The following KPNA5 variants were observed in gnomAD, a reference collection of about 807,000 sequenced individuals.
KPNA5 encodes importin subunit alpha-6.
In KPNA5, 46 loss-of-function variants were observed where a neutral mutation model predicts 71.3. The observed-to-expected ratio is 0.65, with a 90% CI of 0.51 to 0.83. KPNA5 has a LOEUF of 0.83. KPNA5 is among the 40% of genes least tolerant of loss of function. The pLI is 0.00. For missense variants in KPNA5, 547 were observed against 628.3 expected, an observed-to-expected ratio of 0.87 and a Z score of 1.38; for synonymous variants, 207 against 201.4, an observed-to-expected ratio of 1.03 and a Z score of -0.24.
At chr6:116,730,016 T>A (rs1008584590) in intron 13 of KPNA5, among the ~76,000 whole-genome samples, 6 of 150,720 alleles carry the variant, frequency 4.0e-5, no homozygotes, top group African/African-American at 1.5e-4. Context: ...ATTTTACATT[T>A]CTACATAATT....
intron 1 of KPNA5, among the ~76,000 whole-genome samples, chr6:116,687,334 T>A (rs1389794147): frequency 6.6e-6 from 1 of 152,146 alleles, no homozygotes; most frequent in Non-Finnish European, 1.5e-5. Context: ...TCCACTTTTC[T>A]GAAATTCAGG....
intron 12 of KPNA5, among the ~76,000 whole-genome samples, chr6:116,728,127 C>T (rs927881568): frequency 6.6e-6 from 1 of 151,998 alleles, no homozygotes; most frequent in Non-Finnish European, 1.5e-5. Context: ...TCTTTGCTTT[C>T]ATCAGTATTT....
intron 8 of KPNA5, among the ~76,000 whole-genome samples, chr6:116,721,626 T>C (rs948458224): frequency 6.6e-6 from 1 of 152,232 alleles, no homozygotes; most frequent in Non-Finnish European, 1.5e-5. Context: ...TGCCTTCTTA[T>C]CAGTGTAATA....
chr6:116,694,594 T>A (rs1158400506), intron 4 of KPNA5, among the ~76,000 whole-genome samples: 1 of 152,220 alleles, frequency 6.6e-6, no homozygotes, highest in Non-Finnish European at 1.5e-5. Flanking sequence ...TTTTGTATCC[T>A]GAGAGTTTGC....
rs1211370142 is a variant in KPNA5 at position 116,739,354 on chromosome 6, C to T, written c.*7031C>T. 6.6e-6 allele frequency: 1 copy of T among 152,022 alleles called. No individual in the cohort carries two copies. Among genetic ancestry groups the T allele is most frequent in the African/African-American group, 2.4e-5 (1 of 41,372 alleles). 9.4% of individuals were successfully genotyped at this position (152,022 alleles called of 1,614,324 possible). A position where few individuals can be genotyped will look rare whatever the true frequency, so the allele number is the denominator to read the frequency against. On this transcript the variant is annotated 3_prime_UTR_variant, in exon 14 of 14. Coordinates refer to ENST00000368564, the MANE Select transcript of KPNA5 (RefSeq NM_001366306.2). The stretch of plus-strand genomic sequence containing the variant: ...CTGCTCAATGAAATAAAAGAGGATA[C>T]AAAGAAATGGAAGAACATTCCATGC...
chr6:116,704,349 A>G (rs748578819), intron 6 of KPNA5, among the ~76,000 whole-genome samples: 1 of 152,082 alleles, frequency 6.6e-6, no homozygotes, highest in Non-Finnish European at 1.5e-5. Flanking sequence ...ACTATAGACA[A>G]TTGTATATAC....
rs1346831820 is a variant in KPNA5 at position 116,740,510 on chromosome 6, A to T, written c.*8187A>T. Reference sequence around the variant, plus strand: ...CATTACTGGGTATATACCCAAAGGAATATAAATCATGCTGCTATAAAGACA... The same window carrying T: ...CATTACTGGGTATATACCCAAAGGATTATAAATCATGCTGCTATAAAGACA... On this transcript the variant is annotated 3_prime_UTR_variant, in exon 14 of 14. Coordinates refer to ENST00000368564, the MANE Select transcript of KPNA5 (RefSeq NM_001366306.2). 2.6e-5 allele frequency: 4 copies of T among 152,234 alleles called. No homozygotes were observed. The highest frequency in any genetic ancestry group is 9.6e-5 in the African/African-American group (4 of 41,574). The allele number at this position is 152,234 out of a possible 1,614,324, so 9.4% of individuals were successfully genotyped here.
intron 6 of KPNA5, among the ~76,000 whole-genome samples, chr6:116,704,630 C>T (rs1204226668): frequency 2.0e-5 from 3 of 151,910 alleles, no homozygotes; most frequent in Admixed American, 2.0e-4. Context: ...GCTCTGTTGC[C>T]CAAGGTGGAG....
chr6:116,724,229 T>C lies in KPNA5; in HGVS notation c.921-68T>C, dbSNP rs1050501457. The C allele has an allele frequency of 3.8e-6, 4 of 1,039,992 alleles. No homozygotes were observed. The African/African-American group carries it at 6.3e-5, about 16-fold the overall frequency. 64.4% of individuals were successfully genotyped at this position (1,039,992 alleles called of 1,614,324 possible). ...GAACACCCCGCAGGAGTTTGTAGTATTTTTGTAACTTCTGTGTAAATTTTA... is the reference window on the plus strand; with the variant it reads ...GAACACCCCGCAGGAGTTTGTAGTACTTTTGTAACTTCTGTGTAAATTTTA... On this transcript the variant is annotated intron_variant, in intron 9 of 13. Coordinates refer to ENST00000368564, the MANE Select transcript of KPNA5 (RefSeq NM_001366306.2).
chr6:116,687,594 C>T (rs1053670154), intron 1 of KPNA5, among the ~76,000 whole-genome samples: 1 of 152,042 alleles, frequency 6.6e-6, no homozygotes, highest in African/African-American at 2.4e-5. Flanking sequence ...AGAAACAAGC[C>T]GATATGTAAA....
Position 116,702,042 on chromosome 6 carries a change from A to G in KPNA5, c.459A>G (p.Thr153=). The change falls in exon 6 of 14, where the codon ACA becomes ACG. Residue 153 remains threonine (T), a synonymous_variant. Coordinates refer to ENST00000368564, the MANE Select transcript of KPNA5 (RefSeq NM_001366306.2). ...AGTTTGAAGCTGCATGGGCATTAACAAATATAGCATCTGGAACTTTTCTGC... is the reference window on the plus strand; with the variant it reads ...AGTTTGAAGCTGCATGGGCATTAACGAATATAGCATCTGGAACTTTTCTGC... ...TLQFEAAWAL[T]NIASGTFLHT... is the part of the protein sequence containing the mutation. 5 of 1,613,434 alleles carry G rather than the reference A, an allele frequency of 3.1e-6. No individual in the cohort carries two copies. The highest frequency in any genetic ancestry group is 4.2e-6 in the Non-Finnish European group (5 of 1,179,820).
intron 7 of KPNA5, among the ~76,000 whole-genome samples, chr6:116,706,470 C>A (rs1046619963): frequency 7.9e-5 from 12 of 151,962 alleles, no homozygotes; most frequent in Non-Finnish European, 7.4e-5. Context: ...CGGGTGGATC[C>A]CCTGAGGTCA....
At chr6:116,718,224 A>T (rs1251761124) in intron 8 of KPNA5, among the ~76,000 whole-genome samples, 1 of 149,864 alleles carries the variant, frequency 6.7e-6, no homozygotes, top group Non-Finnish European at 1.5e-5. Context: ...TCACCTTTTA[A>T]CATAATATAT....
intron 9 of KPNA5, among the ~76,000 whole-genome samples, chr6:116,722,720 A>G (rs1779157592): frequency 6.6e-6 from 1 of 152,204 alleles, no homozygotes; most frequent in African/African-American, 2.4e-5. Flanking sequence ...TTTCACCTCT[A>G]TTAAAGATAA....
chr6:116,719,805 A>G (rs1346521928), intron 8 of KPNA5, among the ~76,000 whole-genome samples: 1 of 152,176 alleles, frequency 6.6e-6, no homozygotes, highest in Non-Finnish European at 1.5e-5. Context: ...AGCTGTGATC[A>G]TGCCACTGCA....
At chr6:116,692,271 T>C (rs781717060) in intron 3 of KPNA5, 22 bp from the exon 4 acceptor site, 7 of 1,489,254 alleles carry the variant, frequency 4.7e-6, no homozygotes, top group African/African-American at 1.4e-5. Flanking sequence ...ATGTTAATTA[T>C]ATTTTTGTGT....
At chr6:116,692,226 TTATG>T (rs1777830019) in intron 3 of KPNA5, 63 bp from the exon 4 acceptor site, 5 of 1,425,978 alleles carry the variant, frequency 3.5e-6, no homozygotes, top group Admixed American at 2.0e-5. Context: ...TAACAAATAT[TTATG>T]CATGCAAAAT....
chr6:116,716,988 T>C lies in KPNA5; in HGVS notation c.756+670T>C, dbSNP rs749673820. On this transcript the variant is annotated intron_variant, in intron 8 of 13. Transcript: ENST00000368564. ...CTTCTCATTTTTACTTTTCATTTCA[T>C]TTCATAAGATATTCAAAAGACACAA... Among the ~76,000 whole-genome samples the C allele has an allele frequency of 1.1e-3, 170 of 152,090 alleles. 1 individual carries two copies. The highest frequency in any genetic ancestry group is 1.6e-3 in the Non-Finnish European group (108 of 68,014).
chr6:116,721,257 A>G (rs975613186), intron 8 of KPNA5, among the ~76,000 whole-genome samples: 1 of 152,248 alleles, frequency 6.6e-6, no homozygotes, highest in African/African-American at 2.4e-5. Context: ...AAATATTAGA[A>G]CATTTAAGAA....
Sources: allele counts gnomAD v4.1 joint callset (sites outside exome capture counted in the v4.1 genomes callset), GRCh38; gene constraint gnomAD v4.1.1; transcripts MANE v1.5; gene names NCBI Gene and HGNC (gene_info 2026-07-23, HGNC 2026-07-21).